Variants in CCSER2 observed in about 807,000 individuals in gnomAD.
CCSER2 encodes coiled-coil serine rich protein 2, also known as serine-rich coiled-coil domain-containing protein 2.
CCSER2 carries 46 observed loss-of-function variants against 92.3 expected under a neutral mutation model. That is an observed-to-expected ratio of 0.50 (90% confidence interval 0.39 to 0.64). The LOEUF (loss-of-function observed/expected upper bound fraction) is 0.64. CCSER2 is among the 30% of genes least tolerant of loss of function. The pLI is 0.00. For missense variants in CCSER2, 1,244 were observed against 1,238.9 expected, an observed-to-expected ratio of 1.00 and a Z score of -0.06; for synonymous variants, 433 against 431.4, an observed-to-expected ratio of 1.00 and a Z score of -0.04.
intron 3 of CCSER2, among the ~76,000 whole-genome samples, chr10:84,398,288 A>G (rs1466851223): frequency 6.6e-6 from 1 of 152,108 alleles, no homozygotes; most frequent in Non-Finnish European, 1.5e-5. Flanking sequence ...ATTCTGAGTG[A>G]TTATTATACA....
intron 1 of CCSER2, among the ~76,000 whole-genome samples, chr10:84,346,323 C>G (rs1312827791): frequency 6.6e-6 from 1 of 151,910 alleles, no homozygotes; most frequent in Non-Finnish European, 1.5e-5. Flanking sequence ...CTTGGCCTCC[C>G]AAAGTGCTGG....
chr10:84,431,384 G>A (rs1386220850), intron 5 of CCSER2, among the ~76,000 whole-genome samples: 1 of 151,940 alleles, frequency 6.6e-6, no homozygotes, highest in East Asian at 1.9e-4. Context: ...TTTCAGATTG[G>A]CTTCTTTCAC....
intron 6 of CCSER2, chr10:84,456,012 AC>A (rs1434185104): frequency 1.9e-6 from 1 of 527,490 alleles, no homozygotes; most frequent in African/African-American, 2.0e-5. Flanking sequence ...CTCCAGCAAC[AC>A]CTTTGCTTCT....
chr10:84,402,953 C>T (rs1252894700), intron 3 of CCSER2, among the ~76,000 whole-genome samples: 3 of 152,104 alleles, frequency 2.0e-5, no homozygotes, highest in Non-Finnish European at 4.4e-5. Context: ...TAGATATAGA[C>T]AGGCTTGTTC....
chr10:84,367,982 C>T (rs892689715), intron 1 of CCSER2, among the ~76,000 whole-genome samples: 6 of 152,094 alleles, frequency 3.9e-5, no homozygotes, highest in South Asian at 2.1e-4. Context: ...CCTTAGATTG[C>T]GTTAAATGTC....
chr10:84,464,622 C>T (rs777420103), intron 7 of CCSER2, among the ~76,000 whole-genome samples: 4 of 152,144 alleles, frequency 2.6e-5, no homozygotes, highest in Non-Finnish European at 5.9e-5. Flanking sequence ...GTTTGCTAGT[C>T]ATCTACAGTA....
chr10:84,387,139 A>G (rs370470359), intron 3 of CCSER2, among the ~76,000 whole-genome samples: 39 of 152,308 alleles, frequency 2.6e-4, no homozygotes, highest in African/African-American at 7.9e-4. Flanking sequence ...TACCTTGCCT[A>G]CATTCCCAGG....
intron 3 of CCSER2, among the ~76,000 whole-genome samples, chr10:84,415,658 A>G (rs1033052321): frequency 3.9e-5 from 6 of 152,168 alleles, no homozygotes; most frequent in Non-Finnish European, 5.9e-5. Flanking sequence ...CTACTTAAAG[A>G]AGTAGTCTGG....
At chr10:84,489,243 G>A (rs1414792957) in intron 9 of CCSER2, among the ~76,000 whole-genome samples, 1 of 152,152 alleles carries the variant, frequency 6.6e-6, no homozygotes, top group African/African-American at 2.4e-5. Flanking sequence ...TTCTGTAGAT[G>A]TCTGTTAGGT....
chr10:84,353,339 C>G (rs1844972764), intron 1 of CCSER2, among the ~76,000 whole-genome samples: 1 of 152,018 alleles, frequency 6.6e-6, no homozygotes, highest in South Asian at 2.1e-4. Context: ...AGCCCCAGGA[C>G]ATTATTCATT....
chr10:84,331,802 A>G (rs1843575926), intron 1 of CCSER2, among the ~76,000 whole-genome samples: 1 of 152,256 alleles, frequency 6.6e-6, no homozygotes, highest in Non-Finnish European at 1.5e-5. Context: ...CAGTGGTTTT[A>G]TATGATAAAG....
At chr10:84,479,828 G>T (rs1047348130) in intron 9 of CCSER2, among the ~76,000 whole-genome samples, 38 of 152,012 alleles carry the variant, frequency 2.5e-4, no homozygotes, top group African/African-American at 8.5e-4. Flanking sequence ...CTTTTCTTTT[G>T]AATGGTTGCA....
At chr10:84,473,428 A>G (rs990699227) in intron 8 of CCSER2, among the ~76,000 whole-genome samples, 1 of 152,210 alleles carries the variant, frequency 6.6e-6, no homozygotes, top group Non-Finnish European at 1.5e-5. Flanking sequence ...TTTTCTCAAC[A>G]TAAATTTAGA....
intron 9 of CCSER2, among the ~76,000 whole-genome samples, chr10:84,493,608 C>T (rs929303946): frequency 3.3e-5 from 5 of 152,024 alleles, no homozygotes; most frequent in Admixed American, 6.5e-5. Context: ...ATGAGTTTTC[C>T]GAGAAAGGAA....
chr10:84,348,028 G>A (rs1390626905), intron 1 of CCSER2, among the ~76,000 whole-genome samples: 2 of 152,206 alleles, frequency 1.3e-5, no homozygotes, highest in Non-Finnish European at 1.5e-5. Flanking sequence ...AGGCAGAGAC[G>A]CTCGTCACTT....
intron 1 of CCSER2, among the ~76,000 whole-genome samples, chr10:84,347,820 G>T (rs1006429742): frequency 3.3e-5 from 5 of 152,006 alleles, no homozygotes; most frequent in Admixed American, 2.0e-4. Context: ...AGACGGGGTC[G>T]TGGCTGGGCA....
chr10:84,406,274 G>A (rs753017763), intron 3 of CCSER2, among the ~76,000 whole-genome samples: 2 of 152,200 alleles, frequency 1.3e-5, no homozygotes, highest in South Asian at 2.1e-4. Flanking sequence ...GGAGGAGGGT[G>A]TAACTATAAC....
intron 4 of CCSER2, among the ~76,000 whole-genome samples, chr10:84,419,497 G>A (rs968543005): frequency 6.6e-6 from 1 of 152,152 alleles, no homozygotes; most frequent in African/African-American, 2.4e-5. Context: ...ACACCTTTGA[G>A]ACTGGGAAGT....
At chr10:84,414,931 T>C (rs1169199004) in intron 3 of CCSER2, among the ~76,000 whole-genome samples, 4 of 152,178 alleles carry the variant, frequency 2.6e-5, no homozygotes, top group Non-Finnish European at 5.9e-5. Flanking sequence ...CTCTACTTAG[T>C]CTATTCTGCT....
Sources: gnomAD v4.1 joint callset for allele counts (sites outside exome capture counted in the v4.1 genomes callset) on GRCh38, gnomAD v4.1.1 for gene constraint, MANE v1.5 for transcripts, NCBI Gene and HGNC (gene_info 2026-07-23, HGNC 2026-07-21) for gene names.